Variants in MYO3B observed in about 807,000 individuals in gnomAD.
MYO3B encodes the protein myosin IIIB, also known as myosin-IIIb.
Under a neutral mutation model 174.6 loss-of-function variants are expected in MYO3B, and 156 were observed. The ratio of observed to expected loss-of-function variants is 0.89; its 90% CI spans 0.78 to 1.02. The LOEUF is 1.02. Among genes scored for constraint, MYO3B ranks in the 50% least tolerant of loss-of-function variants. MYO3B has a pLI of 0.00. For missense variants in MYO3B, 1,632 were observed against 1,639.4 expected, an observed-to-expected ratio of 1.00 and a Z score of 0.08; for synonymous variants, 563 against 569.1, an observed-to-expected ratio of 0.99 and a Z score of 0.15.
At chr2:170,534,119 T>C (rs1442898141) in intron 30 of MYO3B, among the ~76,000 whole-genome samples, 3 of 152,250 alleles carry the variant, frequency 2.0e-5, no homozygotes, top group African/African-American at 4.8e-5. Context: ...GTTGTGTTTT[T>C]TACGAACTGA....
At chr2:170,365,144 C>A (rs777910402) in intron 8 of MYO3B, among the ~76,000 whole-genome samples, 1 of 152,150 alleles carries the variant, frequency 6.6e-6, no homozygotes, top group Non-Finnish European at 1.5e-5. Context: ...TTGTTTCGTA[C>A]GTTGTACCTT....
intron 32 of MYO3B, among the ~76,000 whole-genome samples, chr2:170,598,160 G>T (rs1694266384): frequency 6.6e-6 from 1 of 152,194 alleles, no homozygotes; most frequent in Admixed American, 6.5e-5. Context: ...TTCAACTGCA[G>T]TGTCCAAAAT....
chr2:170,563,608 G>A (rs1691880995), intron 32 of MYO3B, among the ~76,000 whole-genome samples: 1 of 152,168 alleles, frequency 6.6e-6, no homozygotes, highest in African/African-American at 2.4e-5. Flanking sequence ...ATTAGTCTGT[G>A]CTTTCAGAAA....
intron 25 of MYO3B, among the ~76,000 whole-genome samples, chr2:170,466,920 T>G (rs980489092): frequency 5.3e-5 from 8 of 152,326 alleles, no homozygotes; most frequent in African/African-American, 1.9e-4. Flanking sequence ...TTCCTTCTGA[T>G]CACATTATTT....
intron 1 of MYO3B, among the ~76,000 whole-genome samples, chr2:170,188,921 G>A (rs2092505153): frequency 6.6e-6 from 1 of 152,066 alleles, no homozygotes; most frequent in Non-Finnish European, 1.5e-5. Flanking sequence ...GTGTTTTTCT[G>A]TGTGCTTACT....
At chr2:170,575,462 A>G (rs1489975742) in intron 32 of MYO3B, among the ~76,000 whole-genome samples, 3 of 152,206 alleles carry the variant, frequency 2.0e-5, no homozygotes, top group African/African-American at 7.2e-5. Flanking sequence ...CAGTAGATAA[A>G]TAAACATGAA....
At chr2:170,266,483 A>G (rs2093384476) in intron 7 of MYO3B, among the ~76,000 whole-genome samples, 1 of 152,168 alleles carries the variant, frequency 6.6e-6, no homozygotes, top group Non-Finnish European at 1.5e-5. Context: ...AATATTCTTA[A>G]GGTCATTCTT....
chr2:170,443,265 A>C (rs557140291), intron 22 of MYO3B, among the ~76,000 whole-genome samples: 26 of 152,160 alleles, frequency 1.7e-4, no homozygotes, highest in African/African-American at 6.3e-4. Context: ...GCATTTTTTC[A>C]TGTGTCTTTT....
Position 170,594,182 on chromosome 2 carries a change from T to C in MYO3B, c.3733+50194T>C, listed in dbSNP as rs149826850. Among the ~76,000 whole-genome samples the C allele has an allele frequency of 3.3e-5, 5 of 152,220 alleles. No homozygotes were observed. The East Asian group carries it at 9.7e-4, about 29-fold the overall frequency. ...ATTGGTCCAGAGTAGGACAAATGCC[T>C]CAAGTTAGGCCTCTCTGAGACTTTA... On this transcript the variant is annotated intron_variant, in intron 32 of 34. Coordinates refer to ENST00000408978, the MANE Select transcript of MYO3B (RefSeq NM_138995.5).
In MYO3B at chr2:170,653,427, T is replaced by C. The variant is rs963217576; in HGVS notation, c.*306T>C. On this transcript the variant is annotated 3_prime_UTR_variant, in exon 35 of 35. Coordinates refer to ENST00000408978, the MANE Select transcript of MYO3B (RefSeq NM_138995.5). The stretch of plus-strand genomic sequence containing the variant: ...TTCATGCCCCCAGTGTCTAGGAAGA[T>C]AACAGCCAGTCTCACCCCAGTCTAA... The C allele has an allele frequency of 3.1e-5, 10 of 324,344 alleles. No homozygotes were observed. The highest frequency in any genetic ancestry group is 8.6e-4 in the Middle Eastern group (1 of 1,166). 20.1% of individuals were successfully genotyped at this position (324,344 alleles called of 1,614,324 possible).
chr2:170,339,373 C>A (rs1397180676), intron 8 of MYO3B, among the ~76,000 whole-genome samples: 1 of 152,172 alleles, frequency 6.6e-6, no homozygotes, highest in Non-Finnish European at 1.5e-5. Flanking sequence ...GACTACTGAG[C>A]CGTAACAGAG....
chr2:170,520,895 G>A (rs985660891), intron 30 of MYO3B, among the ~76,000 whole-genome samples: 2 of 152,088 alleles, frequency 1.3e-5, no homozygotes, highest in Non-Finnish European at 2.9e-5. Context: ...ACCAGGAGGA[G>A]GACACAGCTA....
At chr2:170,356,981 C>G (rs1193894535) in intron 8 of MYO3B, among the ~76,000 whole-genome samples, 1 of 151,858 alleles carries the variant, frequency 6.6e-6, no homozygotes, top group Non-Finnish European at 1.5e-5. Flanking sequence ...CAGGGTCTCC[C>G]TGTGTGGCTC....
chr2:170,327,452 CTTTGGTAAT>C (rs2093877303), intron 7 of MYO3B, among the ~76,000 whole-genome samples: 1 of 151,938 alleles, frequency 6.6e-6, no homozygotes, highest in African/African-American at 2.4e-5. Context: ...TCCTTACTAC[CTTTGGTAAT>C]TCCTTCAGTT....
At chr2:170,241,963 T>C (rs2093139380) in intron 7 of MYO3B, among the ~76,000 whole-genome samples, 1 of 152,154 alleles carries the variant, frequency 6.6e-6, no homozygotes, top group Admixed American at 6.5e-5. Flanking sequence ...TCACCAGTAA[T>C]TGTCTCACTA....
intron 16 of MYO3B, among the ~76,000 whole-genome samples, chr2:170,397,573 T>G (rs2094448634): frequency 6.6e-6 from 1 of 152,222 alleles, no homozygotes; most frequent in African/African-American, 2.4e-5. Flanking sequence ...TATTCAACTT[T>G]CAATATAAAA....
At chr2:170,232,848 T>G (rs755516111) in intron 6 of MYO3B, among the ~76,000 whole-genome samples, 47 of 152,240 alleles carry the variant, frequency 3.1e-4, no homozygotes, top group Non-Finnish European at 6.2e-4. Flanking sequence ...ATAAACTTCC[T>G]TGGAAGGCTG....
chr2:170,515,428 T>C (rs376849638), intron 29 of MYO3B, among the ~76,000 whole-genome samples: 3 of 152,134 alleles, frequency 2.0e-5, no homozygotes, highest in Admixed American at 2.0e-4. Context: ...ATCCAGAACC[T>C]GGTATATAGA....
intron 32 of MYO3B, among the ~76,000 whole-genome samples, chr2:170,556,547 G>A (rs1472784901): frequency 6.6e-6 from 1 of 151,584 alleles, no homozygotes; most frequent in African/African-American, 2.4e-5. Context: ...TTGAGACAGA[G>A]TTTAGCTCTT....
Sources: gnomAD v4.1 joint callset for allele counts (sites outside exome capture counted in the v4.1 genomes callset) on GRCh38, gnomAD v4.1.1 for gene constraint, MANE v1.5 for transcripts, NCBI Gene and HGNC (gene_info 2026-07-23, HGNC 2026-07-21) for gene names.